Variants in DNAH12 observed in about 807,000 individuals in gnomAD.
DNAH12 encodes the protein axonemal beta dynein heavy chain 12.
Under a neutral mutation model 371.5 loss-of-function variants are expected in DNAH12, and 285 were observed. The observed-to-expected ratio is 0.77, with a 90% confidence interval of 0.70 to 0.85. The LOEUF is 0.85. Among genes scored for constraint, DNAH12 ranks in the 40% least tolerant of loss-of-function variants. The pLI is 0.00. For missense variants in DNAH12, 3,611 were observed against 3,689.4 expected, an observed-to-expected ratio of 0.98 and a Z score of 0.55; for synonymous variants, 1,200 against 1,213.0, an observed-to-expected ratio of 0.99 and a Z score of 0.22.
Position 57,323,016 on chromosome 3 carries a change from T to G in DNAH12, c.10374A>C (p.Pro3458=). 6.4e-7 allele frequency: 1 copy of G among 1,551,990 alleles called. No homozygotes were observed. Residue 3458 remains proline (P), a synonymous_variant, in exon 64 of 74, where the codon CCA becomes CCC. Coordinates refer to ENST00000495027, the MANE Select transcript of DNAH12 (RefSeq NM_001366028.2). ...AAGGAAATAAACATACTTTTGAAGATGGATAGCTTGTCAGCCAAAGCCTAA... is the reference window on the plus strand; with the variant it reads ...AAGGAAATAAACATACTTTTGAAGAGGGATAGCTTGTCAGCCAAAGCCTAA... The part of the protein sequence containing the change: ...SSFRLWLTSY[P]SSKFPVTILQ...
chr3:57,359,431 T>C (rs1042034523), intron 58 of DNAH12, among the ~76,000 whole-genome samples: 4 of 151,486 alleles, frequency 2.6e-5, no homozygotes, highest in African/African-American at 9.7e-5. Context: ...TGGTGGCGCA[T>C]GCCTGTAATC....
upstream of DNAH12, among the ~76,000 whole-genome samples, chr3:57,547,644 CA>C (rs35701365): frequency 6.6e-6 from 1 of 151,798 alleles, no homozygotes; most frequent in Non-Finnish European, 1.5e-5. Context: ...CAAAATATAC[CA>C]AAAAGTTACC....
intron 4 of DNAH12, among the ~76,000 whole-genome samples, chr3:57,522,228 A>T (rs540744723): frequency 2.0e-5 from 3 of 152,134 alleles, no homozygotes; most frequent in African/African-American, 4.8e-5. Flanking sequence ...CATTTCAAAA[A>T]AAAAAAATAA....
intron 43 of DNAH12, among the ~76,000 whole-genome samples, chr3:57,401,604 CAT>C (rs2063868990): frequency 7.0e-6 from 1 of 142,780 alleles, no homozygotes; most frequent in Non-Finnish European, 1.5e-5. Context: ...AGAAGAAAGA[CAT>C]AAAATCAACA....
rs900987250 is a variant in DNAH12, at chr3:57,293,909, G to A, written c.11755C>T (p.Arg3919Cys). 2.8e-5 allele frequency: 43 copies of A among 1,535,440 alleles called. No individual in the cohort carries two copies. The highest frequency in any genetic ancestry group is 1.7e-4 in the Middle Eastern group (1 of 5,944). Residue 3919 changes from arginine (R) to cysteine (C), a missense_variant, in exon 74 of 74, where the codon CGT becomes TGT. Arg to Cys is a radical substitution (Grantham distance 180). Coordinates refer to ENST00000495027, the MANE Select transcript of DNAH12 (RefSeq NM_001366028.2). ...YVCPLYKTSE[R>C]KGTLSTTGHS... Reference sequence around the variant, plus strand: ...CCCGTAGTGGAAAGAGTTCCTTTACGTTCACTTGTCTTGTAGAGGGGACAG... The same window carrying A: ...CCCGTAGTGGAAAGAGTTCCTTTACATTCACTTGTCTTGTAGAGGGGACAG...
intron 30 of DNAH12, among the ~76,000 whole-genome samples, chr3:57,434,991 A>C (rs770011918): frequency 3.3e-5 from 5 of 152,296 alleles, no homozygotes; most frequent in Non-Finnish European, 7.4e-5. Context: ...AAAATTAAGA[A>C]AACCTTTAAA....
intron 59 of DNAH12, among the ~76,000 whole-genome samples, chr3:57,355,529 T>C (rs1323394759): frequency 6.6e-6 from 1 of 152,048 alleles, no homozygotes; most frequent in Non-Finnish European, 1.5e-5. Context: ...ACATATGCAA[T>C]CAATTCTTTT....
chr3:57,426,139 A>G (rs2064761125), intron 34 of DNAH12, among the ~76,000 whole-genome samples: 1 of 152,194 alleles, frequency 6.6e-6, no homozygotes, highest in African/African-American at 2.4e-5. Context: ...ATACAAAGAA[A>G]TGGAGATGTG....
At chr3:57,527,575 G>A (rs188103097) in intron 2 of DNAH12, among the ~76,000 whole-genome samples, 75 of 152,222 alleles carry the variant, frequency 4.9e-4, no homozygotes, top group Non-Finnish European at 9.9e-4. Flanking sequence ...GAAGCAACCA[G>A]ATCTCACGAG....
chr3:57,449,660 A>G (rs1474051416), intron 25 of DNAH12, among the ~76,000 whole-genome samples: 1 of 152,144 alleles, frequency 6.6e-6, no homozygotes, highest in Non-Finnish European at 1.5e-5. Flanking sequence ...CGCCAAGCCC[A>G]CGCCCACCTG....
At chr3:57,507,563 T>A (rs1481572151) in intron 8 of DNAH12, 80 bp downstream of exon 8, 1 of 998,538 alleles carries the variant, frequency 1.0e-6, no homozygotes, top group Non-Finnish European at 1.4e-6. Flanking sequence ...TACTTAGCAC[T>A]ATGTTTACGT....
chr3:57,415,180 A>G (rs2064329429), intron 38 of DNAH12, among the ~76,000 whole-genome samples: 1 of 150,894 alleles, frequency 6.6e-6, no homozygotes, highest in Non-Finnish European at 1.5e-5. Flanking sequence ...TTTACCAGTT[A>G]AGAAATCGTT....
intron 43 of DNAH12, among the ~76,000 whole-genome samples, chr3:57,396,823 C>T (rs1040287134): frequency 1.3e-5 from 2 of 152,150 alleles, no homozygotes; most frequent in Non-Finnish European, 2.9e-5. Flanking sequence ...CCGAGACCAA[C>T]CTGGCCAGCA....
At position 57,433,489 on chromosome 3, in the gene DNAH12, C is replaced by T. The variant is rs867893717; in HGVS notation, c.4858G>A (p.Ala1620Thr). 3.3e-5 allele frequency: 51 copies of T among 1,551,222 alleles called. 1 individual carries two copies. The Middle Eastern group carries it at 1.8e-3, about 56-fold the overall frequency. Residue 1620 changes from alanine (A) to threonine (T), a missense_variant, in exon 32 of 74, where the codon GCT becomes ACT. Ala to Thr is a moderately conservative substitution (Grantham distance 58, BLOSUM62 0). Coordinates refer to ENST00000495027, the MANE Select transcript of DNAH12 (RefSeq NM_001366028.2). The stretch of plus-strand genomic sequence containing the variant: ...AAGGCAAATTCTCTAAAAGTGTTAG[C>T]CACAATACCATCAGTCCACTGAGGA... ...VSHEWTDGIV[A>T]NTFREFALSE...
chr3:57,422,890 A>G (rs913903299), intron 35 of DNAH12, among the ~76,000 whole-genome samples: 1 of 152,164 alleles, frequency 6.6e-6, no homozygotes, highest in Non-Finnish European at 1.5e-5. Context: ...AAACAAGGTC[A>G]CTCTATAAGC....
At position 57,524,661 on chromosome 3, in the gene DNAH12, C is replaced by T. The variant is rs772001933; in HGVS notation, c.171-777G>A. On this transcript the variant is annotated intron_variant, in intron 2 of 73. Transcript: ENST00000495027. ...GAGAGGGGACAAGTTAGTTCACTTT[C>T]ATCTGTGAAGGCCACATACATGTTA... 4.3e-4 allele frequency among the ~76,000 whole-genome samples: 65 copies of T among 152,158 alleles called. 1 individual carries two copies. Among genetic ancestry groups the T allele is most frequent in the Admixed American group, 1.6e-3 (25 of 15,264 alleles).
intron 43 of DNAH12, among the ~76,000 whole-genome samples, chr3:57,396,389 A>C (rs2063742282): frequency 1.4e-5 from 2 of 142,324 alleles, no homozygotes; most frequent in Non-Finnish European, 3.0e-5. Context: ...TGTCATGAGC[A>C]TCATCGTGAT....
chr3:57,525,908 C>G (rs2068631244), intron 2 of DNAH12, among the ~76,000 whole-genome samples: 1 of 151,646 alleles, frequency 6.6e-6, no homozygotes, highest in Non-Finnish European at 1.5e-5. Flanking sequence ...ATTATAGGCT[C>G]AGGCTACCAG....
chr3:57,425,677 T>C (rs1443897327), intron 34 of DNAH12, among the ~76,000 whole-genome samples: 1 of 152,206 alleles, frequency 6.6e-6, no homozygotes, highest in African/African-American at 2.4e-5. Flanking sequence ...TACATAACAA[T>C]TGTACAATCG....
Sources: allele counts gnomAD v4.1 joint callset (sites outside exome capture counted in the v4.1 genomes callset), GRCh38; gene constraint gnomAD v4.1.1; transcripts MANE v1.5; gene names NCBI Gene and HGNC (gene_info 2026-07-23, HGNC 2026-07-21).